The following CNTN6 variants were observed in gnomAD, a reference collection of about 807,000 sequenced individuals.
The protein encoded by CNTN6 is contactin 6, also known as contactin-6.
CNTN6 carries 137 observed loss-of-function variants against 122.8 expected under a neutral mutation model. The ratio of observed to expected loss-of-function variants is 1.12; its 90% confidence interval spans 0.97 to 1.29. The LOEUF (loss-of-function observed/expected upper bound fraction) is 1.29, where lower values mean the gene tolerates loss of function less well. Among genes scored for constraint, CNTN6 ranks in the 50% most tolerant of loss-of-function variants. CNTN6 has a pLI of 0.00. For missense variants in CNTN6, 1,634 were observed against 1,223.4 expected, an observed-to-expected ratio of 1.34 and a Z score of -5.01; for synonymous variants, 570 against 426.0, an observed-to-expected ratio of 1.34 and a Z score of -4.16.
At chr3:1,252,242 C>T (rs550989989) in intron 4 of CNTN6, among the ~76,000 whole-genome samples, 1 of 152,156 alleles carries the variant, frequency 6.6e-6, no homozygotes, top group Admixed American at 6.5e-5. Flanking sequence ...CTACATCCAA[C>T]TGTGGGAAGA....
chr3:1,323,591 T>C (rs1280017779), intron 8 of CNTN6, among the ~76,000 whole-genome samples: 1 of 151,820 alleles, frequency 6.6e-6, no homozygotes, highest in Non-Finnish European at 1.5e-5. Flanking sequence ...GTCTGTTATA[T>C]TGCTGTGTTT....
At chr3:1,280,459 A>ATTTTTTTCTTTTTTTTTTTTT (rs1693176434) in intron 5 of CNTN6, among the ~76,000 whole-genome samples, 1 of 66,652 alleles carries the variant, frequency 1.5e-5, no homozygotes, top group Admixed American at 2.2e-4. Flanking sequence ...TGTAATACCA[A>ATTTTTTTCTTTTTTTTTTTTT]TTTTTTTTTT....
At chr3:1,302,699 A>AT (rs1289073957) in intron 7 of CNTN6, among the ~76,000 whole-genome samples, 1 of 152,114 alleles carries the variant, frequency 6.6e-6, no homozygotes, top group Non-Finnish European at 1.5e-5. Flanking sequence ...ATCACCCCCT[A>AT]TCACTGGGAA....
At chr3:1,339,508 A>G (rs1400493970) in intron 11 of CNTN6, among the ~76,000 whole-genome samples, 3 of 152,118 alleles carry the variant, frequency 2.0e-5, no homozygotes, top group Non-Finnish European at 4.4e-5. Context: ...ATGTGTCACC[A>G]CTAACATGTG....
intron 1 of CNTN6, among the ~76,000 whole-genome samples, chr3:1,121,130 C>T (rs928080405): frequency 2.6e-5 from 4 of 151,978 alleles, no homozygotes; most frequent in African/African-American, 4.8e-5. Flanking sequence ...TGTGCAGTTA[C>T]TGGCCTCTTT....
intron 4 of CNTN6, among the ~76,000 whole-genome samples, chr3:1,236,124 T>A (rs1001429241): frequency 6.6e-6 from 1 of 151,874 alleles, no homozygotes; most frequent in Non-Finnish European, 1.5e-5. Context: ...GTGGTCTTTC[T>A]CTATGTGTCC....
At chr3:1,300,607 G>GAA (rs1697215588) in intron 7 of CNTN6, among the ~76,000 whole-genome samples, 1 of 140,710 alleles carries the variant, frequency 7.1e-6, no homozygotes, top group Non-Finnish European at 1.6e-5. Flanking sequence ...GAAAGAAAGA[G>GAA]AGAAAGAAAG....
chr3:1,374,171 T>A (rs1709533847), intron 16 of CNTN6, 98 bp downstream of exon 16: 2 of 1,286,562 alleles, frequency 1.6e-6, no homozygotes, highest in East Asian at 5.3e-5. Context: ...TACTTTTGGC[T>A]CAAAATTGTT....
intron 5 of CNTN6, among the ~76,000 whole-genome samples, chr3:1,289,676 GTTTTT>G (rs11438242): frequency 7.3e-6 from 1 of 137,810 alleles, no homozygotes; most frequent in African/African-American, 2.7e-5. Flanking sequence ...GTTTTTTTGG[GTTTTT>G]TTTTTTTTTT....
At chr3:1,307,166 G>A (rs1698495392) in intron 7 of CNTN6, among the ~76,000 whole-genome samples, 1 of 152,086 alleles carries the variant, frequency 6.6e-6, no homozygotes, top group Admixed American at 6.6e-5. Context: ...ATTCTCTTGG[G>A]ATCAGCTCTT....
At chr3:1,324,389 C>T (rs265787) in intron 8 of CNTN6, among the ~76,000 whole-genome samples, 2,032 of 149,732 alleles carry the variant, frequency 0.014, 273 homozygotes, top group African/African-American at 0.049. Context: ...GCTACGGTGG[C>T]CAGTTCAGCA....
At chr3:1,381,295 AAGAAG>A (rs2126173586) in intron 17 of CNTN6, among the ~76,000 whole-genome samples, 1 of 152,122 alleles carries the variant, frequency 6.6e-6, no homozygotes, top group Admixed American at 6.5e-5. Flanking sequence ...CCCTATGAAA[AAGAAG>A]AGAAGTGTTA....
In CNTN6 at chr3:1,385,664, C is replaced by G. The variant is rs1001766415; in HGVS notation, c.2571C>G (p.Val857=). The change falls in exon 20 of 23, where the codon GTC becomes GTG. Residue 857 remains valine (V), a synonymous_variant. Transcript: ENST00000446702. ...SKESMIGKIR[V]SGNVTTKNIT... ...AATCCATGATAGGTAAAATTAGAGT[C>G]AGTGGAAATGTCACAACCAAAAACA... 3 of 1,614,016 alleles carry G rather than the reference C, an allele frequency of 1.9e-6. No homozygotes were observed. Among genetic ancestry groups the G allele is most frequent in the East Asian group, 2.2e-5 (1 of 44,868 alleles).
intron 2 of CNTN6, among the ~76,000 whole-genome samples, chr3:1,216,433 TG>T (rs1268711411): frequency 6.6e-6 from 1 of 152,234 alleles, no homozygotes; most frequent in African/African-American, 2.4e-5. Flanking sequence ...TGTCAGGATA[TG>T]TTCCTTTTCT....
At position 1,166,277 on chromosome 3, in the gene CNTN6, C is replaced by T. The variant is rs1362729786; in HGVS notation, c.55+18214C>T. Among the ~76,000 whole-genome samples the T allele has an allele frequency of 2.0e-5, 3 of 152,138 alleles. No homozygotes were observed. The East Asian group carries it at 5.8e-4, about 29-fold the overall frequency. On this transcript the variant is annotated intron_variant, in intron 2 of 22. Coordinates refer to ENST00000446702, the MANE Select transcript of CNTN6 (RefSeq NM_001289080.2). ...GTTCAACCTCATTTTATAGATCCCA[C>T]ATCTAGGATACAAATCAGTTAAGCC...
chr3:1,365,856 G>C (rs1708146399), intron 12 of CNTN6, among the ~76,000 whole-genome samples: 1 of 152,022 alleles, frequency 6.6e-6, no homozygotes, highest in Non-Finnish European at 1.5e-5. Flanking sequence ...CTTTCTTGAA[G>C]TATTACTAAC....
Position 1,147,991 on chromosome 3 carries a change from T to A in CNTN6, c.-18T>A. On this transcript the variant is annotated 5_prime_UTR_variant, in exon 2 of 23. Transcript: ENST00000446702. Reference sequence around the variant, plus strand: ...CACCTGATTGTATGGGAGAAATTTTTGACCTTAGAAAGTGGAAATGAGGTT... The same window carrying A: ...CACCTGATTGTATGGGAGAAATTTTAGACCTTAGAAAGTGGAAATGAGGTT... 1.2e-6 allele frequency: 2 copies of A among 1,601,892 alleles called. No homozygotes were observed. The highest frequency in any genetic ancestry group is 1.7e-6 in the Non-Finnish European group (2 of 1,170,478).
chr3:1,350,424 G>A (rs1337160158), intron 11 of CNTN6, among the ~76,000 whole-genome samples: 1 of 151,882 alleles, frequency 6.6e-6, no homozygotes, highest in African/African-American at 2.4e-5. Context: ...CTCCTACTTA[G>A]CTAGTTAGTC....
chr3:1,297,351 T>A (rs1295890389), intron 6 of CNTN6, among the ~76,000 whole-genome samples: 1 of 152,186 alleles, frequency 6.6e-6, no homozygotes, highest in Non-Finnish European at 1.5e-5. Context: ...ACAACTCCTC[T>A]GGTAGGCAGT....
Sources: allele counts gnomAD v4.1 joint callset (sites outside exome capture counted in the v4.1 genomes callset), GRCh38; gene constraint gnomAD v4.1.1; transcripts MANE v1.5; gene names NCBI Gene and HGNC (gene_info 2026-07-23, HGNC 2026-07-21).